Variants in CYP2R1 observed in about 807,000 individuals in gnomAD.
CYP2R1 encodes cytochrome P450 family 2 subfamily R member 1.
Under a neutral mutation model 45.7 loss-of-function variants are expected in CYP2R1, and 40 were observed. That is an observed-to-expected ratio of 0.87 (90% confidence interval 0.68 to 1.14). The LOEUF (loss-of-function observed/expected upper bound fraction) is 1.14. Among genes scored for constraint, CYP2R1 ranks in the 50% most tolerant of loss-of-function variants. The pLI is 0.00. For missense variants in CYP2R1, 605 were observed against 602.6 expected, an observed-to-expected ratio of 1.00 and a Z score of -0.04; for synonymous variants, 234 against 219.3, an observed-to-expected ratio of 1.07 and a Z score of -0.59.
intron 1 of CYP2R1, among the ~76,000 whole-genome samples, chr11:14,889,057 C>A (rs1373837918): frequency 6.6e-6 from 1 of 152,104 alleles, no homozygotes; most frequent in Non-Finnish European, 1.5e-5. Flanking sequence ...GTCCTGAGGA[C>A]TGGCTGTTTA....
In CYP2R1 at chr11:14,880,519, T is replaced by C. The variant is rs535487358; in HGVS notation, c.617A>G (p.Asp206Gly). The C allele has an allele frequency of 1.9e-6, 3 of 1,613,536 alleles. No individual in the cohort carries two copies. The South Asian group carries it at 3.3e-5, about 18-fold the overall frequency. Residue 206 changes from aspartate to glycine, a missense_variant, in exon 3 of 5, where the codon GAT becomes GGT. Coordinates refer to ENST00000334636, the MANE Select transcript of CYP2R1 (RefSeq NM_024514.5). Reference protein sequence around the residue: ...FGERFTYEDTDFQHMIELFSE... With the variant: ...FGERFTYEDTGFQHMIELFSE... ...AAATAACTCAATCATGTGCTGAAAA[T>C]CGGTGTCTTCATAAGTGAATCGTTC...
intron 1 of CYP2R1, chr11:14,887,822 G>A (rs118108283): frequency 9.3e-4 from 145 of 156,212 alleles, no homozygotes; most frequent in Non-Finnish European, 1.6e-3. Context: ...CAGTTATGCT[G>A]TTTCTACCTT....
chr11:14,887,816 T>TGG, intron 1 of CYP2R1: 1 of 158,382 alleles, frequency 6.3e-6, no homozygotes, highest in Non-Finnish European at 1.4e-5. Flanking sequence ...GCTCAGCAGT[T>TGG]ATGCTGTTTC....
chr11:14,891,229 G>C (rs1555016749), intron 1 of CYP2R1: 1 of 985,058 alleles, frequency 1.0e-6, no homozygotes, highest in African/African-American at 1.7e-5. Flanking sequence ...AGAATGAGGA[G>C]GAGCGAAGTA....
At chr11:14,886,472 G>A (rs1444766337) in intron 1 of CYP2R1, 2 of 155,432 alleles carry the variant, frequency 1.3e-5, no homozygotes. Context: ...AGTGAATGAA[G>A]AGGGCTCTAA....
rs2134020791 is a variant in CYP2R1, at chr11:14,880,223, C to T, written c.913G>A (p.Gly305Ser). The T allele has an allele frequency of 8.7e-6, 14 of 1,612,894 alleles. 1 individual carries two copies. In the South Asian group the frequency reaches 1.4e-4, roughly 16 times the overall value. The part of the protein sequence containing the change: ...FSKENLIFSV[G>S]ELIIAGTETT... ...TCAGTTCCAGCAATGATGAGTTCAC[C>T]CACTGAGAAAATTAGGTTTTCTTTG... Residue 305 changes from glycine to serine, a missense_variant, in exon 3 of 5, where the codon GGT (glycine) becomes AGT (serine). Transcript: ENST00000334636.
chr11:14,885,658 T>C, intron 2 of CYP2R1, 118 bp downstream of exon 2: 1 of 1,110,248 alleles, frequency 9.0e-7, no homozygotes, highest in Non-Finnish European at 1.3e-6. Flanking sequence ...GTTCTGTAAA[T>C]AAATAGTTTC....
intron 1 of CYP2R1, chr11:14,890,357 C>A: frequency 2.4e-6 from 1 of 410,554 alleles, no homozygotes; most frequent in Non-Finnish European, 3.3e-6. Flanking sequence ...AAATATATTA[C>A]ATGAAAATCA....
Position 14,891,972 on chromosome 11 carries a change from G to T in CYP2R1, c.225+9C>A. 1 of 1,612,382 alleles carries T rather than the reference G, an allele frequency of 6.2e-7. No individual in the cohort carries two copies. The highest frequency in any genetic ancestry group is 8.5e-7 in the Non-Finnish European group (1 of 1,179,490). ...GGCCCTCCCTGCCCGGGGCCCGTCG[G>T]GGCTGTACCTCTCCGTACACCTGGC... On this transcript the variant is annotated intron_variant, in intron 1 of 4. Coordinates refer to ENST00000334636, the MANE Select transcript of CYP2R1 (RefSeq NM_024514.5).
chr11:14,885,484 T>C (rs1455869624), intron 2 of CYP2R1, among the ~76,000 whole-genome samples: 3 of 152,214 alleles, frequency 2.0e-5, no homozygotes, highest in African/African-American at 7.2e-5. Context: ...AGTGGAAGTA[T>C]GTGTTTATTC....
chr11:14,884,821 T>A (rs1326070757), intron 2 of CYP2R1, among the ~76,000 whole-genome samples: 1 of 152,138 alleles, frequency 6.6e-6, no homozygotes, highest in African/African-American at 2.4e-5. Flanking sequence ...AAATATATAC[T>A]TTTCTCAAAT....
Position 14,879,168 on chromosome 11 carries a change from G to A in CYP2R1, c.1276C>T (p.Leu426=), listed in dbSNP as rs140424660. 10,326 of 1,613,184 alleles carry A rather than the reference G, an allele frequency of 6.4e-3. 50 individuals carry two copies. The highest frequency in any genetic ancestry group is 7.9e-3 in the Non-Finnish European group (9,339 of 1,179,474). Residue 426 remains leucine, a synonymous_variant, in exon 4 of 5, where the codon CTG becomes TTG. Transcript: ENST00000334636. The part of the protein sequence containing the change: ...DPEVFHPERF[L]DSSGYFAKKE... The stretch of plus-strand genomic sequence containing the variant: ...TTGGCAAAATATCCACTGCTGTCCA[G>A]AAATCGCTCAGGATGGAACACTTCT...
In CYP2R1 at chr11:14,892,199, T is replaced by A. The variant is rs1555017466; in HGVS notation, c.7A>T (p.Lys3Ter). 1 of 1,609,820 alleles carries A rather than the reference T, an allele frequency of 6.2e-7. No homozygotes were observed. The highest frequency in any genetic ancestry group is 1.3e-5 in the African/African-American group (1 of 74,934). ...GCGCCCTCTTCAGCTCTCCAAAGCT[T>A]CCACATCGGCCCGAGCTGGAGGTGC... is the stretch of plus-strand genomic sequence containing the variant. MW[K>*]LWRAEEGAAA... The change falls in exon 1 of 5, where the codon AAG becomes TAG. Residue 3 changes from lysine to a stop codon, truncating the protein, a stop_gained. Transcript: ENST00000334636. LOFTEE classifies it high-confidence loss of function.
At chr11:14,883,061 A>T (rs1429929661) in intron 2 of CYP2R1, among the ~76,000 whole-genome samples, 1 of 152,238 alleles carries the variant, frequency 6.6e-6, no homozygotes, top group Non-Finnish European at 1.5e-5. Context: ...AGAACATTCC[A>T]TGCTCATGGG....
At chr11:14,881,831 G>A (rs1848398533) in intron 2 of CYP2R1, among the ~76,000 whole-genome samples, 1 of 151,822 alleles carries the variant, frequency 6.6e-6, no homozygotes, top group South Asian at 2.1e-4. Flanking sequence ...TTCCTATAAA[G>A]TGTGCAGAAC....
intron 1 of CYP2R1, among the ~76,000 whole-genome samples, chr11:14,889,899 C>T (rs1848764582): frequency 6.6e-6 from 1 of 152,092 alleles, no homozygotes; most frequent in East Asian, 1.9e-4. Context: ...GAGGCCGAGG[C>T]GGGCAGATCA....
At chr11:14,879,733 T>G (rs1246503771) in intron 3 of CYP2R1, among the ~76,000 whole-genome samples, 1 of 152,180 alleles carries the variant, frequency 6.6e-6, no homozygotes, top group Non-Finnish European at 1.5e-5. Flanking sequence ...CTATATATCT[T>G]GTTCTAACAG....
At chr11:14,882,482 A>G (rs1848428231) in intron 2 of CYP2R1, among the ~76,000 whole-genome samples, 1 of 152,152 alleles carries the variant, frequency 6.6e-6, no homozygotes, top group African/African-American at 2.4e-5. Flanking sequence ...TATATACACA[A>G]GAAGGTACAG....
At chr11:14,891,496 A>AC (rs1462135195) in intron 1 of CYP2R1, 1 of 994,136 alleles carries the variant, frequency 1.0e-6, no homozygotes, top group Non-Finnish European at 1.2e-6. Context: ...AAACGCCTAC[A>AC]CCAGTCGTTC....
Sources: gnomAD v4.1 joint callset for allele counts (sites outside exome capture counted in the v4.1 genomes callset) on GRCh38, gnomAD v4.1.1 for gene constraint, MANE v1.5 for transcripts, NCBI Gene and HGNC (gene_info 2026-07-23, HGNC 2026-07-21) for gene names.